The following RPTOR variants were observed in gnomAD, a reference collection of about 807,000 sequenced individuals.
RPTOR encodes regulatory associated protein of MTOR complex 1, also known as regulatory-associated protein of mTOR.
Under a neutral mutation model 169.9 loss-of-function variants are expected in RPTOR, and 21 were observed. That is an observed-to-expected ratio of 0.12 (90% CI 0.09 to 0.18). The LOEUF (loss-of-function observed/expected upper bound fraction) is 0.18. Ranked by LOEUF, RPTOR falls within the 10% of genes least tolerant of loss-of-function variation. The pLI, the probability that RPTOR is intolerant of heterozygous loss-of-function variation, is 1.00. For missense variants in RPTOR, 1,133 were observed against 1,855.9 expected (o/e 0.61, Z 7.16); for synonymous variants, 732 against 753.2 (o/e 0.97, Z 0.46).
chr17:80,807,412 C>T (rs768153958), intron 7 of RPTOR, among the ~76,000 whole-genome samples: 13 of 152,048 alleles, frequency 8.5e-5, no homozygotes, highest in African/African-American at 1.7e-4. Context: ...TGCAATAGCA[C>T]GATCTCAAGC....
At chr17:80,732,258 G>A (rs1330993090) in intron 5 of RPTOR, among the ~76,000 whole-genome samples, 1 of 152,200 alleles carries the variant, frequency 6.6e-6, no homozygotes, top group South Asian at 2.1e-4. Context: ...GCTGGAGAGT[G>A]GTTAAGGGAA....
chr17:80,650,297 G>T (rs190273413), intron 3 of RPTOR, among the ~76,000 whole-genome samples: 1 of 152,232 alleles, frequency 6.6e-6, no homozygotes, highest in Non-Finnish European at 1.5e-5. Context: ...AAGAGCACGC[G>T]TGTTGACTAG....
At chr17:80,576,143 C>T (rs1251868673) in intron 1 of RPTOR, among the ~76,000 whole-genome samples, 1 of 152,204 alleles carries the variant, frequency 6.6e-6, no homozygotes, top group Non-Finnish European at 1.5e-5. Context: ...TGGATTAAAA[C>T]AGATCAGTCT....
intron 1 of RPTOR, among the ~76,000 whole-genome samples, chr17:80,611,851 C>G (rs1397305503): frequency 6.6e-6 from 1 of 151,514 alleles, no homozygotes; most frequent in African/African-American, 2.4e-5. Context: ...GTAAATGACA[C>G]AGACTTCTTG....
In RPTOR at chr17:80,665,490, T is replaced by TTCCTTTCCTTTCCATG. The variant is rs1567846562; in HGVS notation, c.348+21694_348+21709dup. Among the ~76,000 whole-genome samples the TTCCTTTCCTTTCCATG allele has an allele frequency of 8.5e-5, 4 of 46,824 alleles. 1 individual carries two copies. The South Asian group carries it at 1.4e-3, about 17-fold the overall frequency. 30.7% of individuals were successfully genotyped at this position (46,824 alleles called of 152,430 possible). On this transcript the variant is annotated intron_variant, in intron 3 of 33. Transcript: ENST00000306801. ...TTCCTTTCCTTTCCTTTCCTTTCCTTTCCTTTCCTTTCCATGTCCTTTCCT... is the reference window on the plus strand; with the variant it reads ...TTCCTTTCCTTTCCTTTCCTTTCCTTTCCTTTCCTTTCCATGTCCTTTCCTTTCCATGTCCTTTCCT...
intron 9 of RPTOR, among the ~76,000 whole-genome samples, chr17:80,825,004 C>A (rs541128671): frequency 1.3e-5 from 2 of 151,452 alleles, no homozygotes; most frequent in East Asian, 3.9e-4. Context: ...CAGCGTGGGG[C>A]AGCCACATCC....
chr17:80,575,202 C>A (rs1268733024), intron 1 of RPTOR, among the ~76,000 whole-genome samples: 2 of 149,978 alleles, frequency 1.3e-5, no homozygotes, highest in Non-Finnish European at 3.0e-5. Flanking sequence ...ACGAGGTCTC[C>A]CTGTGTTACC....
At chr17:80,901,997 G>A (rs2068482498) in intron 20 of RPTOR, among the ~76,000 whole-genome samples, 1 of 152,170 alleles carries the variant, frequency 6.6e-6, no homozygotes. Context: ...AAATGTTTGT[G>A]AAACTAAATG....
At position 80,823,163 on chromosome 17, in the gene RPTOR, C is replaced by T; in HGVS notation, c.1076C>T (p.Ser359Leu). The change falls in exon 9 of 34, where the codon TCG (serine) becomes TTG (leucine). Residue 359 changes from serine (S) to leucine (L), a missense_variant. Ser to Leu is a moderately radical substitution (Grantham distance 145). Coordinates refer to ENST00000306801, the MANE Select transcript of RPTOR (RefSeq NM_020761.3). The surrounding 1 kb of genome is among the most constrained non-coding windows in gnomAD (Gnocchi z 4.5). ...TTATTGGCGGAAAGGATTATGAGGTCGTATAACTGCACTCCCGTCAGCAGC... is the reference window on the plus strand; with the variant it reads ...TTATTGGCGGAAAGGATTATGAGGTTGTATAACTGCACTCCCGTCAGCAGC... ...NFLLAERIMR[S>L]YNCTPVSSPR... is the part of the protein sequence containing the mutation. 1 of 1,614,098 alleles carries T rather than the reference C, an allele frequency of 6.2e-7. No homozygotes were observed. The highest frequency in any genetic ancestry group is 8.5e-7 in the Non-Finnish European group (1 of 1,180,022).
In RPTOR at chr17:80,746,624, C is replaced by T. The variant is rs941503297; in HGVS notation, c.655-7386C>T. Among the ~76,000 whole-genome samples the T allele has an allele frequency of 2.6e-5, 4 of 152,116 alleles. No homozygotes were observed. Among genetic ancestry groups the T allele is most frequent in the African/African-American group, 4.8e-5 (2 of 41,408 alleles). On this transcript the variant is annotated intron_variant, in intron 5 of 33. Transcript: ENST00000306801. The surrounding 1 kb of genome is among the most constrained non-coding windows in gnomAD (Gnocchi z 4.5). ...CCCCGGAGAAACCCCTTTGGGTGCA[C>T]GCTCACCTTAGGCTTGCTGTTTGGG...
At chr17:80,735,667 T>C (rs1202949224) in intron 5 of RPTOR, among the ~76,000 whole-genome samples, 1 of 152,168 alleles carries the variant, frequency 6.6e-6, no homozygotes. Context: ...GGGAGGCCAG[T>C]AGCGAGTTGG....
intron 4 of RPTOR, among the ~76,000 whole-genome samples, chr17:80,717,644 A>G (rs894998625): frequency 8.4e-4 from 128 of 152,314 alleles, no homozygotes; most frequent in African/African-American, 2.9e-3. Context: ...ATCAAAACGA[A>G]GCCTGCAGCA....
At chr17:80,653,847 A>C (rs1276771780) in intron 3 of RPTOR, among the ~76,000 whole-genome samples, 2 of 152,160 alleles carry the variant, frequency 1.3e-5, no homozygotes, top group Admixed American at 6.5e-5. Flanking sequence ...AGCTGTGTTC[A>C]CATCCTAGTG....
At position 80,659,405 on chromosome 17, in the gene RPTOR, C is replaced by T. The variant is rs1455715584; in HGVS notation, c.348+15595C>T. On this transcript the variant is annotated intron_variant, in intron 3 of 33. Coordinates refer to ENST00000306801, the MANE Select transcript of RPTOR (RefSeq NM_020761.3). The surrounding 1 kb of genome is among the most constrained non-coding windows in gnomAD (Gnocchi z 4.3). ...GGGGTGCAGTGGTGCAATCACGGGT[C>T]ACCGCAGCCTCGACCTCCTGGGCTC... Among the ~76,000 whole-genome samples, 1 of 152,192 alleles carries T rather than the reference C, an allele frequency of 6.6e-6. No homozygotes were observed. Among genetic ancestry groups the T allele is most frequent in the African/African-American group, 2.4e-5 (1 of 41,438 alleles).
chr17:80,875,217 C>G (rs958737944), intron 13 of RPTOR, among the ~76,000 whole-genome samples: 2 of 152,202 alleles, frequency 1.3e-5, no homozygotes, highest in Non-Finnish European at 2.9e-5. Flanking sequence ...AAGCCCGCCC[C>G]GGCCTTACGG....
intron 1 of RPTOR, among the ~76,000 whole-genome samples, chr17:80,570,464 A>AT (rs905449514): frequency 1.3e-4 from 19 of 151,660 alleles, no homozygotes; most frequent in South Asian, 2.1e-4. Flanking sequence ...TTTTATTTTT[A>AT]TTTTTTATCT....
At position 80,922,750 on chromosome 17, in the gene RPTOR, C is replaced by T. The variant is rs369153067; in HGVS notation, c.2547C>T (p.Arg849=). The change falls in exon 22 of 34, where the codon CGC becomes CGT. Residue 849 remains arginine (R), a synonymous_variant. Coordinates refer to ENST00000306801, the MANE Select transcript of RPTOR (RefSeq NM_020761.3). ...CCACCGTGAACGCCCGGCCGCAGCGCGTCCTGGACACCTCCTCCCTCACGC... is the reference window on the plus strand; with the variant it reads ...CCACCGTGAACGCCCGGCCGCAGCGTGTCCTGGACACCTCCTCCCTCACGC... ...YKATVNARPQ[R]VLDTSSLTQS... The T allele has an allele frequency of 4.4e-6, 7 of 1,589,006 alleles. No individual in the cohort carries two copies. Among genetic ancestry groups the T allele is most frequent in the South Asian group, 2.3e-5 (2 of 87,906 alleles).
intron 17 of RPTOR, among the ~76,000 whole-genome samples, chr17:80,886,165 G>A (rs1028712928): frequency 5.3e-5 from 8 of 152,352 alleles, no homozygotes; most frequent in Admixed American, 1.3e-4. Context: ...GAGACGGGCC[G>A]TGGTCCAGGG....
At chr17:80,573,612 A>G (rs1374500918) in intron 1 of RPTOR, among the ~76,000 whole-genome samples, 1 of 152,174 alleles carries the variant, frequency 6.6e-6, no homozygotes, top group Non-Finnish European at 1.5e-5. Flanking sequence ...ATTGCTTTAT[A>G]TGCAGCATTC....
Sources: gnomAD v4.1 joint callset for allele counts (sites outside exome capture counted in the v4.1 genomes callset) on GRCh38, gnomAD v4.1.1 for gene constraint, Gnocchi (gnomAD v3.1) non-coding constraint, MANE v1.5 for transcripts, NCBI Gene and HGNC (gene_info 2026-07-23, HGNC 2026-07-21) for gene names.